The following CNTN4 variants were observed in gnomAD, a reference collection of about 807,000 sequenced individuals.
The protein encoded by CNTN4 is contactin-4.
A neutral mutation model predicts 122.5 loss-of-function variants in CNTN4; 77 were observed. The observed-to-expected ratio is 0.63, with a 90% CI of 0.52 to 0.76. CNTN4 has a LOEUF of 0.76. Ranked by LOEUF, CNTN4 falls within the 30% of genes least tolerant of loss-of-function variation. The probability of loss-of-function intolerance (pLI) is 0.00; values close to 1 mark genes in which losing one functional copy is unlikely to be tolerated. For synonymous variants in CNTN4, 512 were observed against 447.0 expected, an observed-to-expected ratio of 1.15 and a Z score of -1.83; for missense variants, 1,256 against 1,259.1, an observed-to-expected ratio of 1.00 and a Z score of 0.04.
At chr3:2,109,060 G>T (rs1359615435) in intron 2 of CNTN4, among the ~76,000 whole-genome samples, 2 of 152,152 alleles carry the variant, frequency 1.3e-5, no homozygotes, top group Admixed American at 6.5e-5. Flanking sequence ...ATAATTACTT[G>T]GTCTTTGAAA....
intron 3 of CNTN4, among the ~76,000 whole-genome samples, chr3:2,555,379 A>G (rs977655797): frequency 3.9e-5 from 6 of 152,196 alleles, no homozygotes; most frequent in African/African-American, 1.2e-4. Flanking sequence ...AGTTCAACAT[A>G]TATTTACCAT....
intron 2 of CNTN4, among the ~76,000 whole-genome samples, chr3:2,281,663 T>C (rs2041720691): frequency 6.6e-6 from 1 of 152,122 alleles, no homozygotes; most frequent in South Asian, 2.1e-4. Flanking sequence ...GTATTTCACA[T>C]ATCTGCTTGG....
intron 3 of CNTN4, among the ~76,000 whole-genome samples, chr3:2,438,918 C>T (rs2151267227): frequency 6.6e-6 from 1 of 152,256 alleles, no homozygotes; most frequent in African/African-American, 2.4e-5. Context: ...ACTGTATCTT[C>T]AATTCTACTT....
intron 2 of CNTN4, among the ~76,000 whole-genome samples, chr3:2,149,318 C>G (rs537416080): frequency 6.6e-6 from 1 of 152,104 alleles, no homozygotes; most frequent in Admixed American, 6.6e-5. Context: ...TTCCATTTGT[C>G]TGTTTTCATG....
chr3:2,794,387 A>G (rs1265083491), intron 6 of CNTN4, among the ~76,000 whole-genome samples: 1 of 152,206 alleles, frequency 6.6e-6, no homozygotes, highest in Non-Finnish European at 1.5e-5. Context: ...TTGATGCTGT[A>G]ATGTATGTTG....
At chr3:2,718,129 T>A (rs1206988619) in intron 4 of CNTN4, among the ~76,000 whole-genome samples, 1 of 152,132 alleles carries the variant, frequency 6.6e-6, no homozygotes, top group Non-Finnish European at 1.5e-5. Context: ...CTTCAAAAAA[T>A]TTGGCTATAA....
chr3:2,417,638 C>T (rs578157686), intron 3 of CNTN4, among the ~76,000 whole-genome samples: 1 of 152,226 alleles, frequency 6.6e-6, no homozygotes, highest in East Asian at 1.9e-4. Flanking sequence ...TGAGATTTAC[C>T]CGAAGGAGGT....
chr3:2,410,244 G>A (rs948056108), intron 3 of CNTN4, among the ~76,000 whole-genome samples: 1 of 152,198 alleles, frequency 6.6e-6, no homozygotes. Flanking sequence ...GAAAATCTGT[G>A]TTGACAGCAT....
At chr3:2,150,963 G>A (rs917779893) in intron 2 of CNTN4, among the ~76,000 whole-genome samples, 6 of 151,988 alleles carry the variant, frequency 3.9e-5, no homozygotes, top group African/African-American at 9.7e-5. Context: ...CTGGTCCACC[G>A]GGAACTATCG....
At chr3:3,048,235 A>G (rs1700878927) in intron 23 of CNTN4, among the ~76,000 whole-genome samples, 1 of 152,082 alleles carries the variant, frequency 6.6e-6, no homozygotes, top group African/African-American at 2.4e-5. Flanking sequence ...ATTCAGGAAA[A>G]AAAACACACA....
At chr3:2,785,142 T>C (rs5011454) in intron 6 of CNTN4, among the ~76,000 whole-genome samples, 1 of 76,252 alleles carries the variant, frequency 1.3e-5, no homozygotes, top group East Asian at 9.3e-4. Flanking sequence ...CACACACATA[T>C]ATATAGAGAG....
At chr3:2,237,764 A>G (rs1559367971) in intron 2 of CNTN4, among the ~76,000 whole-genome samples, 1 of 152,210 alleles carries the variant, frequency 6.6e-6, no homozygotes, top group Non-Finnish European at 1.5e-5. Flanking sequence ...GAATATTGGT[A>G]TTTTTATGAT....
intron 4 of CNTN4, among the ~76,000 whole-genome samples, chr3:2,674,619 G>A (rs960759399): frequency 6.6e-6 from 1 of 152,156 alleles, no homozygotes; most frequent in Admixed American, 6.5e-5. Flanking sequence ...TTAGCTGGGT[G>A]TGGTGGTGCA....
rs73806318 is a variant in CNTN4, at chr3:2,140,525, T to C, written c.-145+39886T>C. On this transcript the variant is annotated intron_variant, in intron 2 of 24. Transcript: ENST00000418658. ...CTGGTTCATAGATGGGCCTTCTTGC[T>C]ATGTTCTCACATGGGTATAGGAGGT... is the stretch of plus-strand genomic sequence containing the variant. 7.8e-3 allele frequency among the ~76,000 whole-genome samples: 1,191 copies of C among 152,276 alleles called. 17 individuals are homozygous for C. Among genetic ancestry groups the C allele is most frequent in the African/African-American group, 0.027 (1,130 of 41,552 alleles).
intron 14 of CNTN4, among the ~76,000 whole-genome samples, chr3:3,022,092 G>T (rs1490719848): frequency 1.9e-4 from 23 of 121,680 alleles, no homozygotes; most frequent in African/African-American, 6.7e-4. Context: ...AAAAAAAAAA[G>T]AATTAGTTGG....
intron 4 of CNTN4, among the ~76,000 whole-genome samples, chr3:2,660,936 C>A (rs1423969589): frequency 6.6e-6 from 1 of 152,236 alleles, no homozygotes; most frequent in Non-Finnish European, 1.5e-5. Context: ...GTCATCACAA[C>A]TAGGCACCCC....
At chr3:2,689,692 G>C (rs2085622893) in intron 4 of CNTN4, among the ~76,000 whole-genome samples, 1 of 152,110 alleles carries the variant, frequency 6.6e-6, no homozygotes, top group South Asian at 2.1e-4. Flanking sequence ...ATCCACTCTA[G>C]AATTAGCAGT....
At chr3:2,287,153 C>T (rs896299716) in intron 2 of CNTN4, among the ~76,000 whole-genome samples, 9 of 152,142 alleles carry the variant, frequency 5.9e-5, no homozygotes, top group African/African-American at 1.2e-4. Flanking sequence ...CTAAGTTTTA[C>T]ACTCATTTTC....
intron 6 of CNTN4, among the ~76,000 whole-genome samples, chr3:2,781,787 C>T (rs4461401): frequency 0.22 from 28,186 of 126,524 alleles, 3,999 homozygotes; most frequent in South Asian, 0.31. Context: ...GGCAGTAGCG[C>T]GATCTCTGCT....
Sources: gnomAD v4.1 joint callset for allele counts (sites outside exome capture counted in the v4.1 genomes callset) on GRCh38, gnomAD v4.1.1 for gene constraint, MANE v1.5 for transcripts, NCBI Gene and HGNC (gene_info 2026-07-23, HGNC 2026-07-21) for gene names.